CACNA1H: variants seen among roughly 807,000 people sequenced by gnomAD.
CACNA1H encodes calcium voltage-gated channel subunit alpha1 H.
Under a neutral mutation model 192.5 loss-of-function variants are expected in CACNA1H, and 149 were observed. That is an observed-to-expected ratio of 0.77 (90% CI 0.68 to 0.89). The LOEUF is 0.89. Among genes scored for constraint, CACNA1H ranks in the 40% least tolerant of loss-of-function variants. The pLI, the probability that CACNA1H is intolerant of heterozygous loss-of-function variation, is 0.00. For missense variants in CACNA1H, 4,257 were observed against 3,423.5 expected (o/e 1.24, Z -6.08); for synonymous variants, 2,202 against 1,475.2 (o/e 1.49, Z -11.29).
chr16:1,203,189 C>T (rs1379252168), intron 9 of CACNA1H, among the ~76,000 whole-genome samples: 1 of 152,188 alleles, frequency 6.6e-6, no homozygotes, highest in Non-Finnish European at 1.5e-5. Flanking sequence ...ATGCTCCTAG[C>T]CCTTGAATTG....
chr16:1,197,374 C>T (rs964809192), intron 5 of CACNA1H, among the ~76,000 whole-genome samples: 18 of 152,224 alleles, frequency 1.2e-4, no homozygotes, highest in Non-Finnish European at 2.2e-4. Context: ...CCTGTTGAAG[C>T]GTGAAGCAAC....
intron 28 of CACNA1H, 40 bp downstream of exon 28, chr16:1,215,121 C>T (rs773195178): frequency 1.3e-6 from 2 of 1,589,566 alleles, no homozygotes; most frequent in East Asian, 4.5e-5. Context: ...GGGGGCCCCT[C>T]AGGGCTCTGG....
chr16:1,210,696 C>T (rs1442930882), intron 20 of CACNA1H, 45 bp downstream of exon 20: 29 of 1,585,858 alleles, frequency 1.8e-5, no homozygotes, highest in Non-Finnish European at 2.2e-5. Context: ...GGTCCCCGTT[C>T]TGCCCTCATC....
intron 2 of CACNA1H, among the ~76,000 whole-genome samples, chr16:1,162,566 T>A (rs1963319128): frequency 6.6e-6 from 1 of 150,616 alleles, no homozygotes; most frequent in Non-Finnish European, 1.5e-5. Flanking sequence ...GCACGGGGGC[T>A]GGTGCTGCAG....
intron 6 of CACNA1H, 184 bp downstream of exon 6, chr16:1,198,958 G>A: frequency 1.8e-6 from 1 of 544,842 alleles, no homozygotes; most frequent in Non-Finnish European, 3.1e-6. Context: ...CCCCATCATG[G>A]CTCCGCCCAG....
At position 1,210,801 on chromosome 16, in the gene CACNA1H, G is replaced by C; in HGVS notation, c.4053G>C (p.Gly1351=). The change falls in exon 21 of 35, where the codon GGG becomes GGC. Residue 1351 remains glycine (G), a synonymous_variant. Coordinates refer to ENST00000348261, the MANE Select transcript of CACNA1H (RefSeq NM_021098.3). ...AEMMVKVVAL[G]LLSGEHAYLQ... is the part of the protein sequence containing the mutation. ...GCCCTCCGCAGGTGGTGGCCCTGGGGCTGCTGTCCGGCGAGCACGCCTACC... is the reference window on the plus strand; with the variant it reads ...GCCCTCCGCAGGTGGTGGCCCTGGGCCTGCTGTCCGGCGAGCACGCCTACC... 1.2e-6 allele frequency: 2 copies of C among 1,601,400 alleles called. No individual in the cohort carries two copies.
chr16:1,206,385 C>T (rs1596438153), intron 12 of CACNA1H, 96 bp downstream of exon 12: 6 of 1,161,184 alleles, frequency 5.2e-6, no homozygotes, highest in Non-Finnish European at 7.3e-6. Context: ...AAGGAGCCCT[C>T]CCACCAGCAG....
intron 3 of CACNA1H, among the ~76,000 whole-genome samples, 164 bp downstream of exon 3, chr16:1,195,247 G>C (rs1966863390): frequency 6.8e-6 from 1 of 148,052 alleles, no homozygotes; most frequent in Non-Finnish European, 1.5e-5. Context: ...GTGGGGCTGG[G>C]GGTGGGGCAG....
At position 1,220,560 on chromosome 16, in the gene CACNA1H, G is replaced by C. The variant is rs745869095; in HGVS notation, c.6628G>C (p.Glu2210Gln). Residue 2210 changes from glutamate (E) to glutamine (Q), a missense_variant, in exon 35 of 35, where the codon GAG becomes CAG. Glu to Gln is a conservative substitution (Grantham distance 29). Transcript: ENST00000348261. ...DEGSARPSAA[E>Q]GGSTTLRRRT... ...GGGCTCTGCGCGGCCCTCCGCGGCA[G>C]AGGGCGGCAGCACCACACTGAGGCG... The C allele has an allele frequency of 6.5e-7, 1 of 1,532,294 alleles. No homozygotes were observed. Among genetic ancestry groups the C allele is most frequent in the Non-Finnish European group, 8.7e-7 (1 of 1,146,262 alleles). The allele number at this position is 1,532,294 out of a possible 1,614,324, so 94.9% of individuals were successfully genotyped here.
Position 1,217,904 on chromosome 16 carries a change from T to A in CACNA1H, c.5324-15T>A. Reference sequence around the variant, plus strand: ...AGCGGGCTCGGCTGACCGGGCGGGGTCTCCCTCCCCGCAGAGTGCAGTGAA... The same window carrying A: ...AGCGGGCTCGGCTGACCGGGCGGGGACTCCCTCCCCGCAGAGTGCAGTGAA... On this transcript the variant is annotated splice_polypyrimidine_tract_variant and intron_variant, in intron 31 of 34. Transcript: ENST00000348261. The A allele has an allele frequency of 6.3e-7, 1 of 1,580,346 alleles. No homozygotes were observed. The highest frequency in any genetic ancestry group is 8.6e-7 in the Non-Finnish European group (1 of 1,163,466).
At chr16:1,209,953 GGCCGA>G in intron 17 of CACNA1H, 77 bp from the exon 18 acceptor site, 7 of 1,027,598 alleles carry the variant, frequency 6.8e-6, no homozygotes, top group Non-Finnish European at 1.0e-5. Flanking sequence ...TGGGAGGGGT[GGCCGA>G]GCTGAGCACA....
In CACNA1H at chr16:1,212,130, G is replaced by A; in HGVS notation, c.4751G>A (p.Arg1584Lys). The change falls in exon 25 of 35, where the codon AGG (arginine) becomes AAG (lysine). Residue 1584 changes from arginine to lysine, a missense_variant. Coordinates refer to ENST00000348261, the MANE Select transcript of CACNA1H (RefSeq NM_021098.3). Reference sequence around the variant, plus strand: ...AAGCGGCTGCGGCGCCTAGAGAGGAGGCGCAGGAGTAAGGCGCTCCCGGTG... The same window carrying A: ...AAGCGGCTGCGGCGCCTAGAGAGGAAGCGCAGGAGTAAGGCGCTCCCGGTG... Reference protein sequence around the residue: ...EEKRLRRLERRRRSTFPSPEA... With the variant: ...EEKRLRRLERKRRSTFPSPEA... 6.2e-7 allele frequency: 1 copy of A among 1,605,882 alleles called. No individual in the cohort carries two copies. The highest frequency in any genetic ancestry group is 2.2e-5 in the East Asian group (1 of 44,856).
In CACNA1H at chr16:1,204,219, G is replaced by T; in HGVS notation, c.2212G>T (p.Asp738Tyr). The T allele has an allele frequency of 6.2e-7, 1 of 1,611,738 alleles. No individual in the cohort carries two copies. Among genetic ancestry groups the T allele is most frequent in the South Asian group, 1.1e-5 (1 of 90,960 alleles). Reference protein sequence around the residue: ...YEFTQDVRHGDRWDPTRPPRA... With the variant: ...YEFTQDVRHGYRWDPTRPPRA... ...ATTCACGCAGGACGTCCGGCACGGTGACCGCTGGGACCCCACGCGACCACC... is the reference window on the plus strand; with the variant it reads ...ATTCACGCAGGACGTCCGGCACGGTTACCGCTGGGACCCCACGCGACCACC... Residue 738 changes from aspartate to tyrosine, a missense_variant, in exon 10 of 35, where the codon GAC becomes TAC. Coordinates refer to ENST00000348261, the MANE Select transcript of CACNA1H (RefSeq NM_021098.3).
At position 1,201,729 on chromosome 16, in the gene CACNA1H, C is replaced by A; in HGVS notation, c.1279C>A (p.Gln427Lys). The change falls in exon 9 of 35, where the codon CAG (glutamine) becomes AAG (lysine). Residue 427 changes from glutamine (Q) to lysine (K), a missense_variant. Gln to Lys is a moderately conservative substitution (Grantham distance 53). Coordinates refer to ENST00000348261, the MANE Select transcript of CACNA1H (RefSeq NM_021098.3). Reference sequence around the variant, plus strand: ...TGCCACGCAGTTCTCGGAGACGAAGCAGCGGGAGAGTCAGCTGATGCGGGA... The same window carrying A: ...TGCCACGCAGTTCTCGGAGACGAAGAAGCGGGAGAGTCAGCTGATGCGGGA... ...VIATQFSETK[Q>K]RESQLMREQR... 1 of 1,610,672 alleles carries A rather than the reference C, an allele frequency of 6.2e-7. No homozygotes were observed. Among genetic ancestry groups the A allele is most frequent in the Non-Finnish European group, 8.5e-7 (1 of 1,178,898 alleles).
chr16:1,208,166 C>CT lies in CACNA1H; in HGVS notation c.3309dup (p.Arg1104SerfsTer61), dbSNP rs1968976953. On this transcript the variant is annotated frameshift_variant, in exon 16 of 35. Transcript: ENST00000348261. LOFTEE classifies it high-confidence loss of function. Reference sequence around the variant, plus strand: ...GATGCAGCCCCCAGCCTCCCAGACTCTCGGCGTGGCAGCAGCAGCTCCGGG... The same window carrying CT: ...GATGCAGCCCCCAGCCTCCCAGACTCTTCGGCGTGGCAGCAGCAGCTCCGGG... 1 of 1,568,392 alleles carries CT rather than the reference C, an allele frequency of 6.4e-7. No homozygotes were observed. The highest frequency in any genetic ancestry group is 1.4e-5 in the African/African-American group (1 of 73,588).
At position 1,201,985 on chromosome 16, in the gene CACNA1H, C is replaced by T. The variant is rs552335696; in HGVS notation, c.1535C>T (p.Ala512Val). The T allele has an allele frequency of 7.1e-6, 11 of 1,541,132 alleles. No homozygotes were observed. In the African/African-American group the frequency reaches 1.5e-4, roughly 21 times the overall value. ...HRQRRAGRHT[A>V]SVHHLVYHHH... is the part of the protein sequence containing the mutation. ...CAGCGCCGGGCAGGCAGGCACACAG[C>T]CTCGGTGCACCACCTGGTCTACCAC... The change falls in exon 9 of 35, where the codon GCC becomes GTC. Residue 512 changes from alanine to valine, a missense_variant. Physicochemically the swap from Ala to Val is moderately conservative, Grantham distance 64. Transcript: ENST00000348261.
chr16:1,195,895 T>G, intron 4 of CACNA1H, 31 bp from the exon 5 acceptor site: 1 of 1,560,750 alleles, frequency 6.4e-7, no homozygotes, highest in Non-Finnish European at 8.8e-7. Context: ...GGGCTCCTTG[T>G]TGAGCTGCTC....
In CACNA1H at chr16:1,220,969, G is replaced by C. The variant is rs765057432; in HGVS notation, c.7037G>C (p.Gly2346Ala). 64 of 1,601,140 alleles carry C rather than the reference G, an allele frequency of 4.0e-5. No homozygotes were observed. Among genetic ancestry groups the C allele is most frequent in the Non-Finnish European group, 5.2e-5 (61 of 1,174,050 alleles). Residue 2346 changes from glycine to alanine, a missense_variant, in exon 35 of 35, where the codon GGG becomes GCG. Physicochemically the swap from Gly to Ala is moderately conservative, Grantham distance 60. Coordinates refer to ENST00000348261, the MANE Select transcript of CACNA1H (RefSeq NM_021098.3). ...TCCCCCTCAGCCACCCCTGCCCCAGGGGGTGGTGCAGATGACCCCGTGTAG... is the reference window on the plus strand; with the variant it reads ...TCCCCCTCAGCCACCCCTGCCCCAGCGGGTGGTGCAGATGACCCCGTGTAG... ...PGSPSATPAPGGGADDPV is the reference protein window; with the variant it reads ...PGSPSATPAPAGGADDPV
chr16:1,212,209 C>G, intron 25 of CACNA1H, 71 bp downstream of exon 25: 4 of 1,508,016 alleles, frequency 2.7e-6, no homozygotes, highest in Non-Finnish European at 3.5e-6. Flanking sequence ...TCCAGCCCCT[C>G]CACTCCCGCC....
Sources: gnomAD v4.1 joint callset for allele counts (sites outside exome capture counted in the v4.1 genomes callset) on GRCh38, gnomAD v4.1.1 for gene constraint, MANE v1.5 for transcripts, NCBI Gene and HGNC (gene_info 2026-07-23, HGNC 2026-07-21) for gene names.